ABI3BP: variants seen among roughly 807,000 people sequenced by gnomAD.
ABI3BP encodes the protein ABI family member 3 binding protein.
ABI3BP carries 216 observed loss-of-function variants against 268.6 expected under a neutral mutation model. The observed-to-expected ratio is 0.80, with a 90% CI of 0.72 to 0.90. The LOEUF is 0.90. Ranked by LOEUF, ABI3BP falls within the 40% of genes least tolerant of loss-of-function variation. The probability of loss-of-function intolerance (pLI) is 0.00; values close to 1 mark genes in which losing one functional copy is unlikely to be tolerated. For missense variants in ABI3BP, 2,090 were observed against 2,182.4 expected (o/e 0.96, Z 0.84); for synonymous variants, 730 against 730.0 (o/e 1.00, Z 0.00).
At chr3:100,813,627 C>A (rs1184328768) in intron 45 of ABI3BP, 34 bp downstream of exon 45, 1 of 1,484,742 alleles carries the variant, frequency 6.7e-7, no homozygotes, top group Admixed American at 2.0e-5. Context: ...TTAAAGCACA[C>A]AGTATACCCA....
chr3:100,831,658 G>A (rs1183962647), intron 31 of ABI3BP, among the ~76,000 whole-genome samples: 1 of 152,054 alleles, frequency 6.6e-6, no homozygotes, highest in African/African-American at 2.4e-5. Flanking sequence ...GTTATCCTCT[G>A]TCTGGTGAGC....
intron 3 of ABI3BP, among the ~76,000 whole-genome samples, chr3:100,899,391 T>A (rs1485145027): frequency 6.6e-6 from 1 of 152,244 alleles, no homozygotes; most frequent in Admixed American, 6.5e-5. Flanking sequence ...TAATCTTTTT[T>A]AACCTATTTA....
At chr3:100,949,819 C>A (rs1262027723) in intron 1 of ABI3BP, among the ~76,000 whole-genome samples, 1 of 152,092 alleles carries the variant, frequency 6.6e-6, no homozygotes, top group Non-Finnish European at 1.5e-5. Flanking sequence ...AGAAGGAGGA[C>A]TGTATAGTGG....
intron 55 of ABI3BP, among the ~76,000 whole-genome samples, chr3:100,790,730 A>G (rs924898767): frequency 4.6e-5 from 7 of 151,968 alleles, no homozygotes; most frequent in Non-Finnish European, 8.8e-5. Context: ...TCCAAGTTTG[A>G]GATGGTGGGA....
At chr3:100,841,103 T>G (rs1217328134) in intron 21 of ABI3BP, among the ~76,000 whole-genome samples, 1 of 151,646 alleles carries the variant, frequency 6.6e-6, no homozygotes. Context: ...AAGGCATGAT[T>G]CTCACTTGGA....
At chr3:100,926,543 T>G in intron 1 of ABI3BP, 62 bp from the exon 2 acceptor site, 1 of 1,481,684 alleles carries the variant, frequency 6.7e-7, no homozygotes, top group South Asian at 1.2e-5. Flanking sequence ...CCTACCCAAC[T>G]TCCCAGCAAG....
At chr3:100,918,180 A>G (rs1244978727) in intron 2 of ABI3BP, among the ~76,000 whole-genome samples, 1 of 152,170 alleles carries the variant, frequency 6.6e-6, no homozygotes, top group Non-Finnish European at 1.5e-5. Flanking sequence ...TGACATTTTG[A>G]AAATAATTTT....
chr3:100,874,854 G>C lies in ABI3BP; in HGVS notation c.897C>G (p.Leu299=). The change falls in exon 9 of 68, where the codon CTC becomes CTG. Residue 299 remains leucine, a synonymous_variant. Transcript: ENST00000471714. ...ASLMFEISDA[L]KTQLAKNETL... is the part of the protein sequence containing the mutation. ...TTTTCTGCTTACCTAATTGTGTCTT[G>C]AGTGCATCTGAAATCTCAAACATTA... 1 of 1,591,430 alleles carries C rather than the reference G, an allele frequency of 6.3e-7. No individual in the cohort carries two copies. Among genetic ancestry groups the C allele is most frequent in the Non-Finnish European group, 8.6e-7 (1 of 1,166,344 alleles).
intron 2 of ABI3BP, chr3:100,911,977 T>TA (rs1381610054): frequency 3.6e-6 from 3 of 843,980 alleles, no homozygotes; most frequent in Non-Finnish European, 6.1e-6. Flanking sequence ...TTATAAAAGC[T>TA]AAAAAAAGCA....
Position 100,752,898 on chromosome 3 carries a change from A to G in ABI3BP, c.5011T>C (p.Ser1671Pro). 1 of 1,613,490 alleles carries G rather than the reference A, an allele frequency of 6.2e-7. No individual in the cohort carries two copies. The highest frequency in any genetic ancestry group is 8.5e-7 in the Non-Finnish European group (1 of 1,179,650). ...ACATATTGTTTGCCCTTACACTCTG[A>G]GTAAGAGTCTGAATTAAAGGGTCTT... is the stretch of plus-strand genomic sequence containing the variant. ...TERPFNSDSY[S>P]ECKGKQYVKR... The change falls in exon 66 of 68, where the codon TCA becomes CCA. Residue 1671 changes from serine to proline, a missense_variant. Coordinates refer to ENST00000471714, the MANE Select transcript of ABI3BP (RefSeq NM_001375547.2).
At chr3:100,894,738 G>C (rs940753975) in intron 4 of ABI3BP, among the ~76,000 whole-genome samples, 15 of 151,856 alleles carry the variant, frequency 9.9e-5, no homozygotes, top group African/African-American at 3.6e-4. Context: ...AGGAGATCAA[G>C]AACATCCTGG....
At chr3:100,821,878 G>A (rs973474798) in intron 38 of ABI3BP, among the ~76,000 whole-genome samples, 5 of 152,092 alleles carry the variant, frequency 3.3e-5, no homozygotes, top group African/African-American at 1.2e-4. Flanking sequence ...TAGGATTACA[G>A]GTGTGAGCCA....
intron 55 of ABI3BP, among the ~76,000 whole-genome samples, chr3:100,792,333 G>A (rs2097218580): frequency 6.6e-6 from 1 of 151,642 alleles, no homozygotes; most frequent in South Asian, 2.1e-4. Context: ...AGGACCAGGA[G>A]GAAGTTAGAG....
intron 17 of ABI3BP, among the ~76,000 whole-genome samples, chr3:100,849,224 C>CTT (rs547312079): frequency 0.017 from 2,192 of 125,526 alleles, 110 homozygotes; most frequent in African/African-American, 0.059. Context: ...TTTGGAACTA[C>CTT]TTTTTTTTTT....
In ABI3BP at chr3:100,850,727, A is replaced by G; in HGVS notation, c.1359T>C (p.Ser453=). 6.2e-7 allele frequency: 1 copy of G among 1,612,438 alleles called. No individual in the cohort carries two copies. Among genetic ancestry groups the G allele is most frequent in the Non-Finnish European group, 8.5e-7 (1 of 1,178,724 alleles). The part of the protein sequence containing the change: ...PEISDSYTAT[S]DRILDSIPPK... ...GTGGGATAGAATCCAGAATACGATC[A>G]CTTGTTGCTGTTGGAATAAATGTCA... Residue 453 remains serine (S), a synonymous_variant, in exon 16 of 68, where the codon AGT becomes AGC. Transcript: ENST00000471714.
In ABI3BP at chr3:100,813,824, C is replaced by G. The variant is rs1342599668; in HGVS notation, c.3290-89G>C. 5.4e-6 allele frequency: 6 copies of G among 1,110,240 alleles called. No homozygotes were observed. The African/African-American group carries it at 9.3e-5, about 17-fold the overall frequency. 68.8% of individuals were successfully genotyped at this position (1,110,240 alleles called of 1,614,324 possible). A position where few individuals can be genotyped will look rare whatever the true frequency, so the allele number is the denominator to read the frequency against. On this transcript the variant is annotated intron_variant, in intron 44 of 67. Transcript: ENST00000471714. ...AGAGGTAGCAGTGAAATAAAATACA[C>G]AGACCCTGAAAATCATGAGGTTATG...
At chr3:100,866,034 A>C (rs1371709983) in intron 10 of ABI3BP, among the ~76,000 whole-genome samples, 1 of 152,186 alleles carries the variant, frequency 6.6e-6, no homozygotes, top group Non-Finnish European at 1.5e-5. Flanking sequence ...GGATTTCTTG[A>C]AGTTATTTTA....
intron 42 of ABI3BP, 46 bp downstream of exon 42, chr3:100,817,390 G>A: frequency 7.5e-7 from 1 of 1,329,158 alleles, no homozygotes; most frequent in East Asian, 2.5e-5. Flanking sequence ...GAATGGATTT[G>A]AAAATAAGGA....
chr3:100,840,010 T>C (rs2098667379), intron 23 of ABI3BP, 62 bp downstream of exon 23: 1 of 1,397,786 alleles, frequency 7.2e-7, no homozygotes, highest in Non-Finnish European at 9.7e-7. Flanking sequence ...GTAGCTGATA[T>C]CAAACCAGAA....
Sources: gnomAD v4.1 joint callset for allele counts (sites outside exome capture counted in the v4.1 genomes callset) on GRCh38, gnomAD v4.1.1 for gene constraint, MANE v1.5 for transcripts, NCBI Gene and HGNC (gene_info 2026-07-23, HGNC 2026-07-21) for gene names.